The following ULK4 variants were observed in gnomAD, a reference collection of about 807,000 sequenced individuals.
ULK4 encodes unc-51 like kinase 4, also known as inactive serine/threonine-protein kinase ULK4.
Under a neutral mutation model 160.6 loss-of-function variants are expected in ULK4, and 133 were observed. The ratio of observed to expected loss-of-function variants is 0.83; its 90% confidence interval spans 0.72 to 0.96. The LOEUF is 0.96. Among genes scored for constraint, ULK4 ranks in the 40% least tolerant of loss-of-function variants. ULK4 has a pLI of 0.00. For missense variants in ULK4, 1,580 were observed against 1,499.5 expected, an observed-to-expected ratio of 1.05 and a Z score of -0.89; for synonymous variants, 534 against 539.8, an observed-to-expected ratio of 0.99 and a Z score of 0.15.
chr3:41,594,042 C>G (rs979755472), intron 31 of ULK4, among the ~76,000 whole-genome samples: 1 of 150,118 alleles, frequency 6.7e-6, no homozygotes, highest in Middle Eastern at 3.5e-3. Flanking sequence ...CAGACTGTGT[C>G]GAAAGAGAGA....
At chr3:41,928,610 C>T (rs1490099467) in intron 5 of ULK4, among the ~76,000 whole-genome samples, 4 of 146,268 alleles carry the variant, frequency 2.7e-5, no homozygotes, top group African/African-American at 9.9e-5. Flanking sequence ...ACTAGCAAGA[C>T]TAACAAAGAA....
chr3:41,303,571 A>T (rs1478671802), intron 35 of ULK4, among the ~76,000 whole-genome samples: 2 of 152,220 alleles, frequency 1.3e-5, no homozygotes, highest in African/African-American at 4.8e-5. Context: ...ACTTTTGATT[A>T]TTCACAAATG....
rs1446193693 is a variant in ULK4, at chr3:41,455,714, C to G, written c.3394-119G>C. On this transcript the variant is annotated intron_variant, in intron 33 of 36. Coordinates refer to ENST00000301831, the MANE Select transcript of ULK4 (RefSeq NM_017886.4). Reference sequence around the variant, plus strand: ...GCTGAGGAAGCATTCTACCTCAGTTCCCAAGGATGGAATAGATGGAGGCCC... The same window carrying G: ...GCTGAGGAAGCATTCTACCTCAGTTGCCAAGGATGGAATAGATGGAGGCCC... 5.1e-6 allele frequency: 4 copies of G among 790,224 alleles called. No individual in the cohort carries two copies. The African/African-American group carries it at 6.9e-5, about 14-fold the overall frequency. The allele number at this position is 790,224 out of a possible 1,614,324, so 49.0% of individuals were successfully genotyped here.
intron 35 of ULK4, among the ~76,000 whole-genome samples, chr3:41,292,473 A>G (rs1188151877): frequency 6.6e-6 from 1 of 152,072 alleles, no homozygotes; most frequent in Non-Finnish European, 1.5e-5. Context: ...GGCGAAACCC[A>G]GTCTCTACTA....
chr3:41,475,113 G>A (rs1219836955), intron 32 of ULK4, among the ~76,000 whole-genome samples: 1 of 152,046 alleles, frequency 6.6e-6, no homozygotes, highest in East Asian at 1.9e-4. Context: ...CAGATAAAAG[G>A]ATAAAGAAAA....
intron 32 of ULK4, among the ~76,000 whole-genome samples, chr3:41,555,945 G>A (rs1349262628): frequency 6.6e-6 from 1 of 152,142 alleles, no homozygotes; most frequent in African/African-American, 2.4e-5. Flanking sequence ...CAAATATGGT[G>A]TATTCTCACT....
intron 29 of ULK4, among the ~76,000 whole-genome samples, chr3:41,676,700 A>G (rs1437897315): frequency 1.3e-5 from 2 of 152,290 alleles, no homozygotes; most frequent in African/African-American, 2.4e-5. Context: ...AATTAGAAAC[A>G]TGTCTGTGAA....
intron 32 of ULK4, among the ~76,000 whole-genome samples, chr3:41,548,690 C>T (rs1222275766): frequency 6.7e-6 from 1 of 149,328 alleles, no homozygotes; most frequent in East Asian, 2.0e-4. Context: ...ACTGCCACCT[C>T]CAGGACCTGA....
intron 12 of ULK4, among the ~76,000 whole-genome samples, chr3:41,905,917 T>C (rs1270486437): frequency 6.6e-6 from 1 of 151,658 alleles, no homozygotes; most frequent in Non-Finnish European, 1.5e-5. Context: ...CTACTAAAAA[T>C]ACAAAAATTA....
intron 35 of ULK4, among the ~76,000 whole-genome samples, chr3:41,393,198 G>T (rs543418715): frequency 6.6e-6 from 1 of 152,266 alleles, no homozygotes; most frequent in East Asian, 1.9e-4. Flanking sequence ...TCCTTATTCA[G>T]CTCAGTAAAT....
intron 35 of ULK4, among the ~76,000 whole-genome samples, chr3:41,339,860 T>C (rs2080644692): frequency 6.6e-6 from 1 of 152,192 alleles, no homozygotes. Context: ...CTGTGGGCAG[T>C]AGGGATGGTA....
intron 34 of ULK4, among the ~76,000 whole-genome samples, chr3:41,439,137 T>C (rs2083101796): frequency 6.6e-6 from 1 of 152,184 alleles, no homozygotes; most frequent in African/African-American, 2.4e-5. Flanking sequence ...GCTGTGGGCC[T>C]CCTGCTAATA....
chr3:41,449,230 T>A (rs1007179358), intron 34 of ULK4, among the ~76,000 whole-genome samples: 5 of 143,770 alleles, frequency 3.5e-5, no homozygotes, highest in Admixed American at 7.0e-5. Context: ...AAGTTTTATT[T>A]AAAAATTTTT....
At chr3:41,513,196 T>G (rs1453391887) in intron 32 of ULK4, among the ~76,000 whole-genome samples, 1 of 152,160 alleles carries the variant, frequency 6.6e-6, no homozygotes, top group African/African-American at 2.4e-5. Context: ...ATAAAGATTC[T>G]AGAAGATAAC....
At chr3:41,861,817 G>A (rs768415760) in intron 17 of ULK4, among the ~76,000 whole-genome samples, 21 of 151,922 alleles carry the variant, frequency 1.4e-4, no homozygotes, top group East Asian at 1.4e-3. Flanking sequence ...TCTTGTAGGC[G>A]TGCTTCTTGT....
chr3:41,866,117 A>C (rs768441497), intron 17 of ULK4, among the ~76,000 whole-genome samples: 1 of 152,224 alleles, frequency 6.6e-6, no homozygotes, highest in Non-Finnish European at 1.5e-5. Flanking sequence ...ACTCAGTAAC[A>C]AAACAACTTC....
At chr3:41,686,187 C>G (rs1021263226) in intron 27 of ULK4, among the ~76,000 whole-genome samples, 3 of 152,046 alleles carry the variant, frequency 2.0e-5, no homozygotes, top group Admixed American at 6.6e-5. Flanking sequence ...TTGAGATGAG[C>G]TGACACAGTA....
At chr3:41,784,089 C>T (rs2039931411) in intron 21 of ULK4, among the ~76,000 whole-genome samples, 1 of 152,174 alleles carries the variant, frequency 6.6e-6, no homozygotes, top group South Asian at 2.1e-4. Flanking sequence ...TTCCCTACAT[C>T]TAGCAGTGAT....
chr3:41,935,205 ATTTATTTTTTTTTTTTT>A (rs1559660873), intron 4 of ULK4, among the ~76,000 whole-genome samples: 15 of 1,964 alleles, frequency 7.6e-3, no homozygotes, highest in African/African-American at 9.9e-3. Context: ...TTATTTATTT[ATTTATTTTTTTTTTTTT>A]TTTTTTTTTT....
Sources: allele counts gnomAD v4.1 joint callset (sites outside exome capture counted in the v4.1 genomes callset), GRCh38; gene constraint gnomAD v4.1.1; transcripts MANE v1.5; gene names NCBI Gene and HGNC (gene_info 2026-07-23, HGNC 2026-07-21).